Variants in SATB1 observed in about 807,000 individuals in gnomAD.
SATB1 encodes DNA-binding protein SATB1.
In SATB1, 11 loss-of-function variants were observed where a neutral mutation model predicts 86.9. That is an observed-to-expected ratio of 0.13 (90% CI 0.08 to 0.21). SATB1 has a LOEUF of 0.21. SATB1 is among the 10% of genes least tolerant of loss of function. The pLI, the probability that SATB1 is intolerant of heterozygous loss-of-function variation, is 1.00. For synonymous variants in SATB1, 357 were observed against 357.2 expected, an observed-to-expected ratio of 1.00 and a Z score of 0.01; for missense variants, 551 against 937.6, an observed-to-expected ratio of 0.59 and a Z score of 5.39.
chr3:18,351,230 T>G (rs1405184664), intron 10 of SATB1: 2 of 1,174,476 alleles, frequency 1.7e-6, no homozygotes, highest in Non-Finnish European at 1.2e-6. Flanking sequence ...TTTACAGGTT[T>G]GAAAATCCTG....
chr3:18,409,251 T>C (rs1025902456), intron 5 of SATB1: 1 of 152,074 alleles, frequency 6.6e-6, no homozygotes, highest in African/African-American at 2.4e-5. Context: ...TTTGGCTTTT[T>C]TGATTAATAT....
At chr3:18,425,394 G>T, upstream of SATB1, 1 of 153,300 alleles carries the variant, frequency 6.5e-6, no homozygotes, top group South Asian at 1.8e-4. Context: ...AGGAGGAAGG[G>T]GGTGCGGAGC....
At chr3:18,405,479 T>C (rs1386112011) in intron 5 of SATB1, among the ~76,000 whole-genome samples, 1 of 152,026 alleles carries the variant, frequency 6.6e-6, no homozygotes, top group Non-Finnish European at 1.5e-5. Context: ...CTTTGAGCAA[T>C]TCATTTTCCA....
chr3:18,437,164 TA>T (rs1219953847), intron 1 of SATB1, among the ~76,000 whole-genome samples: 1 of 152,048 alleles, frequency 6.6e-6, no homozygotes, highest in Non-Finnish European at 1.5e-5. Context: ...AAAGAAGTAT[TA>T]AGAGGAGCAA....
At chr3:18,415,302 A>G (rs1245573470) in intron 4 of SATB1, 68 bp from the exon 5 acceptor site, 1 of 1,573,884 alleles carries the variant, frequency 6.4e-7, no homozygotes, top group African/African-American at 1.4e-5. Context: ...CATTCCTTTA[A>G]GACAGACAGA....
intron 9 of SATB1, among the ~76,000 whole-genome samples, chr3:18,375,848 G>A (rs767100276): frequency 5.3e-5 from 8 of 152,136 alleles, no homozygotes; most frequent in Non-Finnish European, 7.4e-5. Context: ...CTACTAGGAC[G>A]TTAGAGTAAA....
chr3:18,410,952 A>G, intron 5 of SATB1: 1 of 394,484 alleles, frequency 2.5e-6, no homozygotes, highest in Non-Finnish European at 4.5e-6. Flanking sequence ...GTTTCAGGAG[A>G]GCAGTACTGA....
chr3:18,392,635 G>A (rs1356445003), intron 7 of SATB1, among the ~76,000 whole-genome samples: 1 of 151,518 alleles, frequency 6.6e-6, no homozygotes, highest in East Asian at 1.9e-4. Context: ...TCTATGTCAT[G>A]ATGTCTTTGT....
intron 6 of SATB1, among the ~76,000 whole-genome samples, chr3:18,396,024 A>G (rs1696947756): frequency 6.6e-6 from 1 of 152,208 alleles, no homozygotes; most frequent in Non-Finnish European, 1.5e-5. Context: ...GAGGAACTTT[A>G]TCATAGCGCT....
chr3:18,434,655 G>A (rs1213046295), intron 2 of SATB1, among the ~76,000 whole-genome samples: 1 of 151,990 alleles, frequency 6.6e-6, no homozygotes, highest in Non-Finnish European at 1.5e-5. Flanking sequence ...CACTAGCTGA[G>A]TGATCCTTCA....
At chr3:18,395,060 T>G in intron 6 of SATB1, 144 bp from the exon 7 acceptor site, 30 of 603,322 alleles carry the variant, frequency 5.0e-5, no homozygotes, top group Middle Eastern at 4.4e-4. Context: ...AAGTTGCAAC[T>G]TACCAGGCTG....
intron 5 of SATB1, among the ~76,000 whole-genome samples, chr3:18,404,430 T>C (rs900309324): frequency 1.3e-5 from 2 of 152,002 alleles, no homozygotes; most frequent in Non-Finnish European, 2.9e-5. Context: ...TCTTGATCAA[T>C]CCTAGTGCCT....
At chr3:18,374,648 T>C (rs1014254183) in intron 9 of SATB1, among the ~76,000 whole-genome samples, 2 of 152,188 alleles carry the variant, frequency 1.3e-5, no homozygotes, top group Non-Finnish European at 1.5e-5. Flanking sequence ...AACAATTCCA[T>C]ATCTATTATT....
chr3:18,419,613 T>C (rs149972072), intron 2 of SATB1, among the ~76,000 whole-genome samples: 3 of 152,328 alleles, frequency 2.0e-5, no homozygotes, highest in African/African-American at 7.2e-5. Context: ...ACAGCCCCAG[T>C]GCTTCACAGT....
rs1474277656 is a variant in SATB1, at chr3:18,444,930, G to GGGC, written c.-25+585_-25+587dup. 1 of 135,798 alleles carries GGGC rather than the reference G, an allele frequency of 7.4e-6. No homozygotes were observed. Among genetic ancestry groups the GGGC allele is most frequent in the African/African-American group, 2.7e-5 (1 of 37,554 alleles). 8.4% of individuals were successfully genotyped at this position (135,798 alleles called of 1,614,324 possible). ...GGGCGGGGGGGGGAGAAGGGGGAGGGGGCGGCGGCGGGGGCGGGAGGGGGA... is the reference window on the plus strand; with the variant it reads ...GGGCGGGGGGGGGAGAAGGGGGAGGGGGCGGCGGCGGCGGGGGCGGGAGGGGGA... On this transcript the variant is annotated intron_variant, in intron 1 of 3. Coordinates refer to the SATB1 transcript ENST00000415069. The surrounding 1 kb of genome is among the most constrained non-coding windows in gnomAD (Gnocchi z 5.1).
At chr3:18,437,173 C>T (rs1324173052) in intron 1 of SATB1, among the ~76,000 whole-genome samples, 1 of 151,974 alleles carries the variant, frequency 6.6e-6, no homozygotes, top group African/African-American at 2.4e-5. Flanking sequence ...TTAAGAGGAG[C>T]AAAATCAATT....
In SATB1 at chr3:18,349,494, C is replaced by T; in HGVS notation, c.1968G>A (p.Leu656=). 7 of 1,614,136 alleles carry T rather than the reference C, an allele frequency of 4.3e-6. No homozygotes were observed. The highest frequency in any genetic ancestry group is 5.9e-6 in the Non-Finnish European group (7 of 1,180,026). ...RPRTKISVEA[L]GILQSFIQDV... The stretch of plus-strand genomic sequence containing the variant: ...CTTGTATGAAACTCTGGAGGATTCC[C>T]AAGGCTTCCACTGAAATTTTTGTTC... Residue 656 remains leucine, a synonymous_variant, in exon 11 of 11, where the codon TTG becomes TTA. Coordinates refer to ENST00000338745, the MANE Select transcript of SATB1 (RefSeq NM_002971.6). The surrounding 1 kb of genome is among the most constrained non-coding windows in gnomAD (Gnocchi z 5.5).
rs146042360 is a variant in SATB1, at chr3:18,415,894, C to T, written c.515+113G>A. 4 of 1,010,808 alleles carry T rather than the reference C, an allele frequency of 4.0e-6. No individual in the cohort carries two copies. The East Asian group carries it at 7.6e-5, about 19-fold the overall frequency. The allele number at this position is 1,010,808 out of a possible 1,614,324, so 62.6% of individuals were successfully genotyped here. On this transcript the variant is annotated intron_variant, in intron 4 of 10. Coordinates refer to ENST00000338745, the MANE Select transcript of SATB1 (RefSeq NM_002971.6). ...GGGTAACAAAATCGATCTGTATTAA[C>T]CTTTCTGAAACACAGACTAAAAAAA... is the stretch of plus-strand genomic sequence containing the variant.
At chr3:18,407,714 T>A (rs1005244694) in intron 5 of SATB1, among the ~76,000 whole-genome samples, 1 of 151,924 alleles carries the variant, frequency 6.6e-6, no homozygotes, top group Non-Finnish European at 1.5e-5. Context: ...AAAGTGATGC[T>A]AGAGAGCAAT....
Sources: allele counts gnomAD v4.1 joint callset (sites outside exome capture counted in the v4.1 genomes callset), GRCh38; gene constraint gnomAD v4.1.1; non-coding constraint Gnocchi (gnomAD v3.1); transcripts MANE v1.5; gene names NCBI Gene and HGNC (gene_info 2026-07-23, HGNC 2026-07-21).